The following KIAA0825 variants were observed in gnomAD, a reference collection of about 807,000 sequenced individuals.
The protein encoded by KIAA0825 is KIAA0825, also known as uncharacterized protein KIAA0825.
In KIAA0825, 119 loss-of-function variants were observed where a neutral mutation model predicts 147.6. That is an observed-to-expected ratio of 0.81 (90% CI 0.69 to 0.94). KIAA0825 has a LOEUF of 0.94. Among genes scored for constraint, KIAA0825 ranks in the 40% least tolerant of loss-of-function variants. KIAA0825 has a pLI of 0.00. For missense variants in KIAA0825, 1,381 were observed against 1,472.7 expected (o/e 0.94, Z 1.02); for synonymous variants, 470 against 518.1 (o/e 0.91, Z 1.26).
intron 12 of KIAA0825, among the ~76,000 whole-genome samples, chr5:94,461,220 A>G (rs535235804): frequency 8.1e-4 from 123 of 151,960 alleles, no homozygotes; most frequent in Non-Finnish European, 1.3e-3. Flanking sequence ...AAATTTTTCA[A>G]TTCATCTGTG....
intron 2 of KIAA0825, among the ~76,000 whole-genome samples, chr5:94,552,068 G>C (rs1402292535): frequency 1.3e-5 from 2 of 151,876 alleles, no homozygotes; most frequent in Admixed American, 6.6e-5. Flanking sequence ...AAAGTGAAGA[G>C]ATGGAAAAAG....
At chr5:94,530,271 CAAAAAAA>C (rs770501364) in intron 3 of KIAA0825, among the ~76,000 whole-genome samples, 11 of 54,606 alleles carry the variant, frequency 2.0e-4, no homozygotes, top group Admixed American at 2.4e-4. Context: ...AACTCCGTCA[CAAAAAAA>C]AAAAAAAAAA....
intron 20 of KIAA0825, among the ~76,000 whole-genome samples, chr5:94,303,114 C>A (rs1233773800): frequency 6.6e-6 from 1 of 151,544 alleles, no homozygotes; most frequent in Non-Finnish European, 1.5e-5. Flanking sequence ...AGAAGAAAAA[C>A]AACTGAGGCC....
chr5:94,565,281 T>A (rs1323458170), intron 2 of KIAA0825, among the ~76,000 whole-genome samples: 1 of 151,116 alleles, frequency 6.6e-6, no homozygotes, highest in Non-Finnish European at 1.5e-5. Context: ...CTCTATCTGC[T>A]GCCAGAATGA....
intron 12 of KIAA0825, 48 bp from the exon 13 acceptor site, chr5:94,453,117 T>C: frequency 1.1e-6 from 1 of 905,490 alleles, no homozygotes; most frequent in Non-Finnish European, 1.6e-6. Flanking sequence ...AAGCATTAAC[T>C]ATGACCATTG....
At chr5:94,255,334 T>C (rs990615005) in intron 20 of KIAA0825, among the ~76,000 whole-genome samples, 2 of 151,830 alleles carry the variant, frequency 1.3e-5, no homozygotes, top group African/African-American at 4.8e-5. Context: ...TAAGAGTGCC[T>C]AAAACATACC....
chr5:94,546,928 A>C (rs931697364), intron 2 of KIAA0825, among the ~76,000 whole-genome samples: 4 of 151,760 alleles, frequency 2.6e-5, no homozygotes, highest in African/African-American at 9.7e-5. Flanking sequence ...AGAGAATTTA[A>C]AATAGCTGTG....
intron 15 of KIAA0825, among the ~76,000 whole-genome samples, chr5:94,406,245 C>A (rs907310494): frequency 4.6e-5 from 7 of 152,122 alleles, no homozygotes. Context: ...TTTAAACAGT[C>A]CTCTATAAAA....
intron 20 of KIAA0825, among the ~76,000 whole-genome samples, chr5:94,219,726 A>G (rs186689095): frequency 6.6e-6 from 1 of 152,168 alleles, no homozygotes; most frequent in Non-Finnish European, 1.5e-5. Flanking sequence ...GTGTCTAAAC[A>G]TAACTATATA....
At chr5:94,383,102 G>A (rs1008352670) in intron 20 of KIAA0825, among the ~76,000 whole-genome samples, 3 of 152,094 alleles carry the variant, frequency 2.0e-5, no homozygotes, top group African/African-American at 4.8e-5. Flanking sequence ...ATATCTTTGG[G>A]ACAGTATAGG....
intron 5 of KIAA0825, among the ~76,000 whole-genome samples, chr5:94,509,715 A>T (rs1472807319): frequency 6.6e-6 from 1 of 152,240 alleles, no homozygotes; most frequent in Non-Finnish European, 1.5e-5. Flanking sequence ...AAGATTTGTC[A>T]CATTTTTACA....
chr5:94,466,914 C>T (rs1760617732), intron 10 of KIAA0825, among the ~76,000 whole-genome samples: 2 of 152,024 alleles, frequency 1.3e-5, no homozygotes, highest in Non-Finnish European at 2.9e-5. Flanking sequence ...TAAATTTAAG[C>T]AAAACTGACC....
At chr5:94,164,249 A>T (rs1176927869) in intron 20 of KIAA0825, among the ~76,000 whole-genome samples, 1 of 152,160 alleles carries the variant, frequency 6.6e-6, no homozygotes, top group Non-Finnish European at 1.5e-5. Flanking sequence ...AGCCAAAACA[A>T]TCCTACACAA....
intron 5 of KIAA0825, among the ~76,000 whole-genome samples, chr5:94,517,372 G>C (rs1270473405): frequency 6.6e-6 from 1 of 152,050 alleles, no homozygotes; most frequent in Non-Finnish European, 1.5e-5. Flanking sequence ...GCCTTGTAAA[G>C]TCTTATACAT....
At chr5:94,584,088 GA>G (rs1054264303) in intron 1 of KIAA0825, among the ~76,000 whole-genome samples, 1 of 152,178 alleles carries the variant, frequency 6.6e-6, no homozygotes, top group African/African-American at 2.4e-5. Context: ...GGAGAAACTA[GA>G]GCAGAAAGAC....
chr5:94,457,721 C>G (rs1304965038), intron 12 of KIAA0825, among the ~76,000 whole-genome samples: 4 of 152,208 alleles, frequency 2.6e-5, no homozygotes, highest in African/African-American at 9.6e-5. Flanking sequence ...CAATGCACAT[C>G]AAAAGTGAGA....
At position 94,511,049 on chromosome 5, in the gene KIAA0825, T is replaced by C. The variant is rs75215790; in HGVS notation, c.970+9199A>G. Among the ~76,000 whole-genome samples, 303 of 152,250 alleles carry C rather than the reference T, an allele frequency of 2.0e-3. 1 individual carries two copies. Among genetic ancestry groups the C allele is most frequent in the African/African-American group, 7.1e-3 (294 of 41,556 alleles). On this transcript the variant is annotated intron_variant, in intron 5 of 20. Transcript: ENST00000682413. ...ATAGGTGATGGGAGCAGAGCCCTCA[T>C]GAATGGGATTAGTGTCCTTAAAAAA...
chr5:94,189,921 TTTAC>T (rs754996146), intron 20 of KIAA0825, among the ~76,000 whole-genome samples: 3 of 152,204 alleles, frequency 2.0e-5, no homozygotes, highest in Non-Finnish European at 2.9e-5. Context: ...CCCCCATTTA[TTTAC>T]TTATTTTACC....
chr5:94,527,203 A>G (rs980463072), intron 3 of KIAA0825, among the ~76,000 whole-genome samples: 1 of 152,072 alleles, frequency 6.6e-6, no homozygotes, highest in Non-Finnish European at 1.5e-5. Flanking sequence ...CTTACTTCCA[A>G]AAAGGCTGAG....
Sources: gnomAD v4.1 joint callset for allele counts (sites outside exome capture counted in the v4.1 genomes callset) on GRCh38, gnomAD v4.1.1 for gene constraint, MANE v1.5 for transcripts, NCBI Gene and HGNC (gene_info 2026-07-23, HGNC 2026-07-21) for gene names.